Variants in PRKN observed in about 807,000 individuals in gnomAD.
PRKN encodes the protein parkin RBR E3 ubiquitin protein ligase, also known as E3 ubiquitin-protein ligase parkin.
A neutral mutation model predicts 59.5 loss-of-function variants in PRKN; 56 were observed. The ratio of observed to expected loss-of-function variants is 0.94; its 90% CI spans 0.76 to 1.18. The LOEUF is 1.18. Among genes scored for constraint, PRKN ranks in the 50% most tolerant of loss-of-function variants. The pLI is 0.00. For synonymous variants in PRKN, 250 were observed against 222.1 expected, an observed-to-expected ratio of 1.13 and a Z score of -1.12; for missense variants, 657 against 596.4, an observed-to-expected ratio of 1.10 and a Z score of -1.06.
chr6:161,450,909 A>G (rs965962827), intron 9 of PRKN, among the ~76,000 whole-genome samples: 1 of 152,224 alleles, frequency 6.6e-6, no homozygotes, highest in African/African-American at 2.4e-5. Context: ...CCATTAATGT[A>G]AATAGAAAAC....
intron 2 of PRKN, among the ~76,000 whole-genome samples, chr6:162,295,690 C>T (rs1781637444): frequency 6.6e-6 from 1 of 152,218 alleles, no homozygotes; most frequent in African/African-American, 2.4e-5. Context: ...TCTTCTCTTG[C>T]TCTTCACTTC....
intron 4 of PRKN, among the ~76,000 whole-genome samples, chr6:162,103,039 T>C (rs1252640278): frequency 7.7e-6 from 1 of 130,600 alleles, no homozygotes; most frequent in Non-Finnish European, 1.6e-5. Context: ...CGAGACTCTG[T>C]CTCAAAAAAA....
At chr6:162,581,022 C>T (rs1322281485) in intron 1 of PRKN, among the ~76,000 whole-genome samples, 1 of 152,112 alleles carries the variant, frequency 6.6e-6, no homozygotes, top group Non-Finnish European at 1.5e-5. Context: ...GGAGTCAATG[C>T]TAGAAACCAC....
At chr6:161,978,887 C>A (rs75023344) in intron 5 of PRKN, among the ~76,000 whole-genome samples, 8,326 of 152,290 alleles carry the variant, frequency 0.055, 341 homozygotes, top group Middle Eastern at 0.1. Context: ...AGCAGCCGGG[C>A]AGTGTCCTCT....
intron 7 of PRKN, among the ~76,000 whole-genome samples, chr6:161,690,035 A>G (rs2128175280): frequency 6.6e-6 from 1 of 152,306 alleles, no homozygotes; most frequent in East Asian, 1.9e-4. Flanking sequence ...TTAATTTAGA[A>G]TTAAATGATT....
intron 9 of PRKN, among the ~76,000 whole-genome samples, chr6:161,520,250 A>G (rs994183216): frequency 3.0e-5 from 4 of 131,212 alleles, no homozygotes; most frequent in Non-Finnish European, 6.6e-5. Flanking sequence ...TTTGAGAAAG[A>G]GTCTTGCTCT....
At chr6:162,171,845 G>C (rs950455062) in intron 4 of PRKN, among the ~76,000 whole-genome samples, 7 of 152,134 alleles carry the variant, frequency 4.6e-5, no homozygotes, top group Admixed American at 3.3e-4. Flanking sequence ...ATGAGCCCTA[G>C]GAGGATACGG....
intron 5 of PRKN, among the ~76,000 whole-genome samples, chr6:162,053,104 A>G (rs368322623): frequency 6.6e-6 from 1 of 152,212 alleles, no homozygotes; most frequent in African/African-American, 2.4e-5. Flanking sequence ...TTTCTTCAGG[A>G]TTTGGATGAA....
At chr6:162,309,071 G>A (rs759711730) in intron 2 of PRKN, among the ~76,000 whole-genome samples, 2 of 152,044 alleles carry the variant, frequency 1.3e-5, no homozygotes, top group African/African-American at 4.8e-5. Flanking sequence ...GAAGTCAGCC[G>A]CTGTCCTCAG....
At chr6:162,690,467 G>C (rs1777734240) in intron 1 of PRKN, among the ~76,000 whole-genome samples, 1 of 152,176 alleles carries the variant, frequency 6.6e-6, no homozygotes, top group African/African-American at 2.4e-5. Context: ...TCAAGGGAAA[G>C]CGGTAGCTTT....
At position 161,475,978 on chromosome 6, in the gene PRKN, A is replaced by G. The variant is rs1287812093; in HGVS notation, c.1083+72876T>C. 6.6e-6 allele frequency among the ~76,000 whole-genome samples: 1 copy of G among 152,096 alleles called. No individual in the cohort carries two copies. Among genetic ancestry groups the G allele is most frequent in the African/African-American group, 2.4e-5 (1 of 41,410 alleles). On this transcript the variant is annotated intron_variant, in intron 9 of 11. Transcript: ENST00000366898. This position sits in a 1 kb window ranked among gnomAD's most constrained non-coding sequence, Gnocchi z 5.3. ...AAGGTGGGCGGATCACGAGGTCAGG[A>G]GATGGAGACCATCCTGGTTAACACG...
intron 6 of PRKN, among the ~76,000 whole-genome samples, chr6:161,887,894 A>G (rs1308682427): frequency 6.6e-6 from 1 of 152,248 alleles, no homozygotes; most frequent in African/African-American, 2.4e-5. Context: ...AAACACTTTG[A>G]AGACAGATGT....
intron 4 of PRKN, among the ~76,000 whole-genome samples, chr6:162,134,888 T>A (rs1387520059): frequency 6.6e-6 from 1 of 152,150 alleles, no homozygotes; most frequent in Non-Finnish European, 1.5e-5. Context: ...TAGAGCTATT[T>A]TTACACGAGA....
intron 11 of PRKN, among the ~76,000 whole-genome samples, chr6:161,351,604 C>A (rs1376501559): frequency 1.3e-5 from 2 of 152,108 alleles, no homozygotes; most frequent in Non-Finnish European, 2.9e-5. Context: ...GGATTACAGG[C>A]GTGAGCTACC....
chr6:161,701,785 C>T (rs1034298595), intron 7 of PRKN, among the ~76,000 whole-genome samples: 2 of 152,096 alleles, frequency 1.3e-5, no homozygotes, highest in African/African-American at 4.8e-5. Flanking sequence ...AGAGACATTA[C>T]AAGTCATTAT....
intron 1 of PRKN, among the ~76,000 whole-genome samples, chr6:162,462,510 T>C (rs761836988): frequency 7.2e-5 from 11 of 152,168 alleles, no homozygotes; most frequent in Non-Finnish European, 1.5e-4. Context: ...ATGGTGTGTA[T>C]ACATGTGTGG....
intron 1 of PRKN, among the ~76,000 whole-genome samples, chr6:162,482,908 G>A (rs191236959): frequency 4.7e-5 from 7 of 148,792 alleles, no homozygotes; most frequent in South Asian, 4.3e-4. Flanking sequence ...GAAACACTCC[G>A]GCCTGAGGGT....
intron 2 of PRKN, among the ~76,000 whole-genome samples, chr6:162,320,488 A>G (rs913410320): frequency 8.6e-5 from 13 of 151,046 alleles, no homozygotes; most frequent in Admixed American, 8.6e-4. Flanking sequence ...AAAAGCAAAT[A>G]GGTAAATGAA....
intron 4 of PRKN, among the ~76,000 whole-genome samples, chr6:162,169,521 C>G (rs914244973): frequency 6.6e-6 from 1 of 152,148 alleles, no homozygotes; most frequent in African/African-American, 2.4e-5. Flanking sequence ...AATACTTAGA[C>G]AAACCATAAA....
Sources: gnomAD v4.1 joint callset for allele counts (sites outside exome capture counted in the v4.1 genomes callset) on GRCh38, gnomAD v4.1.1 for gene constraint, Gnocchi (gnomAD v3.1) non-coding constraint, MANE v1.5 for transcripts, NCBI Gene and HGNC (gene_info 2026-07-23, HGNC 2026-07-21) for gene names.